The following MDGA2 variants were observed in gnomAD, a reference collection of about 807,000 sequenced individuals.
MDGA2 encodes MAM domain containing glycosylphosphatidylinositol anchor 2.
A neutral mutation model predicts 117.8 loss-of-function variants in MDGA2; 40 were observed. The observed-to-expected ratio is 0.34, with a 90% confidence interval of 0.26 to 0.44. The LOEUF is 0.44. Ranked by LOEUF, MDGA2 falls within the 20% of genes least tolerant of loss-of-function variation. The probability of loss-of-function intolerance (pLI) is 1.00; values close to 1 mark genes in which losing one functional copy is unlikely to be tolerated. For synonymous variants in MDGA2, 452 were observed against 439.0 expected, an observed-to-expected ratio of 1.03 and a Z score of -0.37; for missense variants, 1,123 against 1,250.6, an observed-to-expected ratio of 0.90 and a Z score of 1.54.
chr14:46,880,592 C>T (rs1164886953), intron 11 of MDGA2, among the ~76,000 whole-genome samples: 1 of 151,476 alleles, frequency 6.6e-6, no homozygotes, highest in Non-Finnish European at 1.5e-5. Context: ...CACCTGAGGT[C>T]GGGAGTTCGA....
chr14:47,004,716 C>T (rs1452167549), intron 8 of MDGA2, among the ~76,000 whole-genome samples: 1 of 151,650 alleles, frequency 6.6e-6, no homozygotes, highest in Non-Finnish European at 1.5e-5. Context: ...TAACTCATAT[C>T]TCTCCATTTA....
At chr14:47,118,608 A>G (rs1354688199) in intron 5 of MDGA2, among the ~76,000 whole-genome samples, 13 of 152,202 alleles carry the variant, frequency 8.5e-5, no homozygotes, top group Non-Finnish European at 2.9e-5. Context: ...AAAAAATACC[A>G]TTTGTTTTCA....
chr14:47,175,884 T>C (rs1884420540), intron 3 of MDGA2, among the ~76,000 whole-genome samples: 1 of 151,980 alleles, frequency 6.6e-6, no homozygotes, highest in South Asian at 2.1e-4. Flanking sequence ...ACGACATGAT[T>C]GTATATCTAG....
intron 10 of MDGA2, among the ~76,000 whole-genome samples, chr14:46,899,981 AAAC>A (rs1883222869): frequency 6.6e-6 from 1 of 151,282 alleles, no homozygotes; most frequent in African/African-American, 2.5e-5. Flanking sequence ...AGAAAAAAAT[AAAC>A]AAAGTAGTCA....
chr14:46,992,535 G>T (rs1325911725), intron 8 of MDGA2, among the ~76,000 whole-genome samples: 7 of 152,118 alleles, frequency 4.6e-5, no homozygotes, highest in African/African-American at 1.7e-4. Context: ...ACAGTTGGTA[G>T]AAATCATTTA....
At chr14:47,441,308 G>A (rs1278464047) in intron 1 of MDGA2, among the ~76,000 whole-genome samples, 1 of 152,062 alleles carries the variant, frequency 6.6e-6, no homozygotes, top group East Asian at 1.9e-4. Flanking sequence ...GTAGCACTGA[G>A]CCGGACAGGG....
At chr14:47,229,639 T>G (rs570430651) in intron 2 of MDGA2, among the ~76,000 whole-genome samples, 84 of 151,778 alleles carry the variant, frequency 5.5e-4, no homozygotes, top group African/African-American at 2.0e-3. Context: ...TCATTAGAAA[T>G]GCTATATTTT....
intron 2 of MDGA2, among the ~76,000 whole-genome samples, chr14:47,234,937 A>G (rs781453792): frequency 2.0e-5 from 3 of 152,168 alleles, no homozygotes; most frequent in Non-Finnish European, 4.4e-5. Context: ...TTAAGAAATT[A>G]GTGTTCATAT....
chr14:47,083,736 A>G (rs1247756024), intron 6 of MDGA2, among the ~76,000 whole-genome samples: 1 of 152,082 alleles, frequency 6.6e-6, no homozygotes, highest in Non-Finnish European at 1.5e-5. Context: ...TAAAAGGACA[A>G]AATATATATA....
intron 1 of MDGA2, among the ~76,000 whole-genome samples, chr14:47,317,697 AACC>A (rs1276757822): frequency 6.6e-6 from 1 of 152,044 alleles, no homozygotes; most frequent in Non-Finnish European, 1.5e-5. Flanking sequence ...AAGAGTAAAA[AACC>A]ACAAGACTGT....
Position 47,601,349 on chromosome 14 carries a change from T to G in MDGA2, c.280+73168A>C, listed in dbSNP as rs547820213. Among the ~76,000 whole-genome samples, 62 of 152,282 alleles carry G rather than the reference T, an allele frequency of 4.1e-4. No homozygotes were observed. In the South Asian group the frequency reaches 0.013, roughly 31 times the overall value. ...TGACAGGCCATGAAGTGAATACTTT[T>G]GTGACTTTCTTCACCAGTCTCTACA... On this transcript the variant is annotated intron_variant, in intron 1 of 16. Coordinates refer to ENST00000399232, the MANE Select transcript of MDGA2 (RefSeq NM_001113498.3).
chr14:47,359,134 T>A (rs907466762), intron 1 of MDGA2, among the ~76,000 whole-genome samples: 11 of 152,162 alleles, frequency 7.2e-5, no homozygotes, highest in African/African-American at 2.7e-4. Flanking sequence ...GGCAGGTGGA[T>A]CACGAGGTCA....
chr14:47,435,069 G>A (rs1892870916), intron 1 of MDGA2, among the ~76,000 whole-genome samples: 2 of 152,060 alleles, frequency 1.3e-5, no homozygotes, highest in Non-Finnish European at 2.9e-5. Flanking sequence ...CCAGGAGGTG[G>A]AGGTTGCAGT....
intron 4 of MDGA2, among the ~76,000 whole-genome samples, chr14:47,132,146 A>G (rs956749578): frequency 1.3e-5 from 2 of 151,962 alleles, no homozygotes; most frequent in Non-Finnish European, 2.9e-5. Flanking sequence ...GGAAAAGTCT[A>G]TTTCTGGTGG....
chr14:47,670,938 A>G (rs1344900117), intron 1 of MDGA2, among the ~76,000 whole-genome samples: 3 of 152,204 alleles, frequency 2.0e-5, no homozygotes, highest in Non-Finnish European at 4.4e-5. Flanking sequence ...TCAAATGGGT[A>G]GTATCCATTA....
intron 3 of MDGA2, among the ~76,000 whole-genome samples, chr14:47,189,336 A>G (rs2139399434): frequency 6.6e-6 from 1 of 152,280 alleles, no homozygotes; most frequent in East Asian, 1.9e-4. Flanking sequence ...TAGAGCCATC[A>G]TGTTGCTCTT....
intron 8 of MDGA2, among the ~76,000 whole-genome samples, chr14:46,972,415 T>C (rs1221506648): frequency 2.0e-5 from 3 of 152,176 alleles, no homozygotes; most frequent in African/African-American, 7.2e-5. Flanking sequence ...TCTGAATGTA[T>C]ATAGAAGAAA....
intron 1 of MDGA2, among the ~76,000 whole-genome samples, chr14:47,383,839 G>A (rs1891692157): frequency 1.3e-5 from 2 of 152,170 alleles, no homozygotes; most frequent in South Asian, 4.2e-4. Flanking sequence ...CATTAGAATT[G>A]CTAATGCACA....
At chr14:47,400,632 G>A (rs1892114946) in intron 1 of MDGA2, among the ~76,000 whole-genome samples, 1 of 149,836 alleles carries the variant, frequency 6.7e-6, no homozygotes, top group African/African-American at 2.5e-5. Context: ...GTTGCAGTGA[G>A]CTGAGATCGT....
Sources: gnomAD v4.1 joint callset for allele counts (sites outside exome capture counted in the v4.1 genomes callset) on GRCh38, gnomAD v4.1.1 for gene constraint, MANE v1.5 for transcripts, NCBI Gene and HGNC (gene_info 2026-07-23, HGNC 2026-07-21) for gene names.